SCAMP2: variants seen among roughly 807,000 people sequenced by gnomAD.
SCAMP2 encodes the protein secretory carrier membrane protein 2, also known as secretory carrier-associated membrane protein 2.
SCAMP2 carries 25 observed loss-of-function variants against 44.1 expected under a neutral mutation model. The ratio of observed to expected loss-of-function variants is 0.57; its 90% CI spans 0.41 to 0.79. SCAMP2 has a LOEUF of 0.79. SCAMP2 is among the 30% of genes least tolerant of loss of function. SCAMP2 has a pLI of 0.00. For missense variants in SCAMP2, 355 were observed against 411.0 expected, an observed-to-expected ratio of 0.86 and a Z score of 1.18; for synonymous variants, 156 against 166.0, an observed-to-expected ratio of 0.94 and a Z score of 0.46.
Position 74,851,338 on chromosome 15 carries a change from A to T in SCAMP2, c.472+15T>A. 5 of 1,611,626 alleles carry T rather than the reference A, an allele frequency of 3.1e-6. No individual in the cohort carries two copies. Among genetic ancestry groups the T allele is most frequent in the Non-Finnish European group, 4.2e-6 (5 of 1,178,024 alleles). On this transcript the variant is annotated intron_variant, in intron 5 of 8. Transcript: ENST00000268099. ...CAATTCGCCCTTGCGCTTGGAAGGC[A>T]GGAGTGGGACTCACACATCCACAGA... is the stretch of plus-strand genomic sequence containing the variant.
intron 1 of SCAMP2, 68 bp from the exon 2 acceptor site, chr15:74,854,717 C>T (rs894072220): frequency 1.5e-5 from 21 of 1,404,138 alleles, no homozygotes; most frequent in Admixed American, 7.9e-5. Flanking sequence ...GCAGGCGAGC[C>T]GGTGACGCCT....
chr15:74,864,720 A>T (rs570874695), intron 1 of SCAMP2, among the ~76,000 whole-genome samples: 1 of 152,194 alleles, frequency 6.6e-6, no homozygotes, highest in Admixed American at 6.5e-5. Flanking sequence ...CCTCACATCA[A>T]TCCCACAGGC....
At chr15:74,859,193 CCACT>C (rs2064486750) in intron 1 of SCAMP2, among the ~76,000 whole-genome samples, 1 of 152,152 alleles carries the variant, frequency 6.6e-6, no homozygotes, top group Admixed American at 6.5e-5. Flanking sequence ...CCCTGCAGTG[CCACT>C]CAGAGTGGCT....
intron 1 of SCAMP2, among the ~76,000 whole-genome samples, chr15:74,856,579 GTTC>G (rs1256272681): frequency 6.7e-6 from 1 of 148,792 alleles, no homozygotes; most frequent in East Asian, 2.0e-4. Flanking sequence ...CTGGCCTCCA[GTTC>G]TTTTTTTTTT....
intron 4 of SCAMP2, 22 bp downstream of exon 4, chr15:74,852,047 A>G: frequency 1.3e-6 from 2 of 1,514,972 alleles, no homozygotes; most frequent in South Asian, 2.5e-5. Flanking sequence ...GGGCAGCCCC[A>G]GGCCCCAGCA....
intron 1 of SCAMP2, among the ~76,000 whole-genome samples, chr15:74,859,331 GT>G (rs1239550928): frequency 6.6e-6 from 1 of 152,216 alleles, no homozygotes; most frequent in Non-Finnish European, 1.5e-5. Flanking sequence ...CCCTTCTGGA[GT>G]CCACAATCTG....
At chr15:74,871,353 A>C (rs904787221) in intron 1 of SCAMP2, among the ~76,000 whole-genome samples, 2 of 148,916 alleles carry the variant, frequency 1.3e-5, no homozygotes, top group Non-Finnish European at 3.0e-5. Flanking sequence ...GCTACTCAGG[A>C]GACTGAGGTG....
Position 74,851,447 on chromosome 15 carries a change from C to T in SCAMP2, c.378G>A (p.Trp126Ter), listed in dbSNP as rs1363254331. Residue 126 changes from tryptophan to a stop codon, truncating the protein, a stop_gained, in exon 5 of 9, where the codon TGG (tryptophan) becomes TGA (stop). Transcript: ENST00000268099. LOFTEE classifies it high-confidence loss of function. ...RQNNWPPLPSWCPVKPCFYQD... is the reference protein window; with the variant it reads ...RQNNWPPLPS Reference sequence around the variant, plus strand: ...GATAGAAGCAGGGCTTCACAGGGCACCACGAGGGCAGAGGGGGCCAGTTGT... The same window carrying T: ...GATAGAAGCAGGGCTTCACAGGGCATCACGAGGGCAGAGGGGGCCAGTTGT... 2 of 1,613,944 alleles carry T rather than the reference C, an allele frequency of 1.2e-6. No individual in the cohort carries two copies. Among genetic ancestry groups the T allele is most frequent in the South Asian group, 2.2e-5 (2 of 91,066 alleles).
chr15:74,865,921 G>C (rs546084988), intron 1 of SCAMP2, among the ~76,000 whole-genome samples: 1 of 139,002 alleles, frequency 7.2e-6, no homozygotes, highest in African/African-American at 2.7e-5. Flanking sequence ...ACTGCACTTC[G>C]GCCTAGGCAA....
chr15:74,863,024 C>G (rs562698320), intron 1 of SCAMP2, among the ~76,000 whole-genome samples: 68 of 151,590 alleles, frequency 4.5e-4, no homozygotes, highest in African/African-American at 1.6e-3. Context: ...GCCTGGGCAT[C>G]ATGATGAAAC....
intron 1 of SCAMP2, among the ~76,000 whole-genome samples, chr15:74,856,672 T>C (rs750317605): frequency 2.0e-5 from 3 of 151,154 alleles, no homozygotes; most frequent in African/African-American, 4.9e-5. Context: ...TAGCTCATGG[T>C]AGCCTCAAAC....
chr15:74,849,910 A>C (rs757842330), intron 6 of SCAMP2, among the ~76,000 whole-genome samples: 4 of 152,188 alleles, frequency 2.6e-5, no homozygotes, highest in Admixed American at 1.3e-4. Flanking sequence ...TGAGGGCTAG[A>C]TCACAGTGAG....
At chr15:74,865,497 T>A (rs1038950999) in intron 1 of SCAMP2, among the ~76,000 whole-genome samples, 1 of 151,630 alleles carries the variant, frequency 6.6e-6, no homozygotes, top group Non-Finnish European at 1.5e-5. Flanking sequence ...AGGGAGAGGA[T>A]CCGAGAAGAT....
At chr15:74,872,195 C>T (rs538803523) in intron 1 of SCAMP2, among the ~76,000 whole-genome samples, 4 of 151,598 alleles carry the variant, frequency 2.6e-5, no homozygotes, top group African/African-American at 9.7e-5. Context: ...GATGGATCAC[C>T]TGAGGTCAGG....
rs139558843 is a variant in SCAMP2 at position 74,850,100 on chromosome 15, T to A, written c.632+414A>T. On this transcript the variant is annotated intron_variant, in intron 6 of 8. Coordinates refer to ENST00000268099, the MANE Select transcript of SCAMP2 (RefSeq NM_005697.5). The stretch of plus-strand genomic sequence containing the variant: ...TATCTAGCTTAGGTGTTGGCAGTCT[T>A]TATTGGGAAGCATCAATAGTCATGG... Among the ~76,000 whole-genome samples, 250 of 152,270 alleles carry A rather than the reference T, an allele frequency of 1.6e-3. 3 individuals are homozygous for A. Among genetic ancestry groups the A allele is most frequent in the East Asian group, 0.014 (70 of 5,178 alleles).
At chr15:74,863,912 A>G (rs2064525319) in intron 1 of SCAMP2, among the ~76,000 whole-genome samples, 1 of 152,184 alleles carries the variant, frequency 6.6e-6, no homozygotes, top group Admixed American at 6.6e-5. Context: ...AGGAGAGAGT[A>G]ATTAAGCTGT....
chr15:74,855,157 G>A (rs955181076), intron 1 of SCAMP2, among the ~76,000 whole-genome samples: 1 of 151,816 alleles, frequency 6.6e-6, no homozygotes, highest in Non-Finnish European at 1.5e-5. Flanking sequence ...AGGCTGGAGT[G>A]CAGTGGCGCA....
chr15:74,865,734 A>T (rs1158018396), intron 1 of SCAMP2, among the ~76,000 whole-genome samples: 3 of 147,204 alleles, frequency 2.0e-5, no homozygotes, highest in Non-Finnish European at 3.0e-5. Context: ...GGATTGCTTG[A>T]ATCCAGGAGT....
At chr15:74,861,982 G>A (rs1432798639) in intron 1 of SCAMP2, among the ~76,000 whole-genome samples, 10 of 150,930 alleles carry the variant, frequency 6.6e-5, no homozygotes, top group African/African-American at 1.9e-4. Flanking sequence ...GGCCAGGCCC[G>A]GTAGCTCATG....
Sources: gnomAD v4.1 joint callset for allele counts (sites outside exome capture counted in the v4.1 genomes callset) on GRCh38, gnomAD v4.1.1 for gene constraint, MANE v1.5 for transcripts, NCBI Gene and HGNC (gene_info 2026-07-23, HGNC 2026-07-21) for gene names.